Variants in DPP10 observed in about 807,000 individuals in gnomAD.
DPP10 encodes dipeptidyl peptidase like 10.
DPP10 carries 33 observed loss-of-function variants against 120.9 expected under a neutral mutation model. The observed-to-expected ratio is 0.27, with a 90% CI of 0.21 to 0.37. The LOEUF (loss-of-function observed/expected upper bound fraction) is 0.37. Ranked by LOEUF, DPP10 falls within the 10% of genes least tolerant of loss-of-function variation. The pLI is 1.00. For synonymous variants in DPP10, 337 were observed against 326.1 expected, an observed-to-expected ratio of 1.03 and a Z score of -0.36; for missense variants, 816 against 942.8, an observed-to-expected ratio of 0.87 and a Z score of 1.76.
chr2:115,255,067 C>T (rs947973697), intron 1 of DPP10, among the ~76,000 whole-genome samples: 1 of 152,202 alleles, frequency 6.6e-6, no homozygotes, highest in Non-Finnish European at 1.5e-5. Context: ...CATTTGCCTT[C>T]CACACTGCCG....
intron 21 of DPP10, among the ~76,000 whole-genome samples, chr2:115,818,812 A>C (rs1423392031): frequency 1.3e-5 from 2 of 152,182 alleles, no homozygotes; most frequent in African/African-American, 4.8e-5. Flanking sequence ...CCAAATCGTC[A>C]TTGTATACTT....
chr2:115,382,302 G>T (rs1375966386), intron 3 of DPP10, among the ~76,000 whole-genome samples: 3 of 152,210 alleles, frequency 2.0e-5, no homozygotes, highest in African/African-American at 4.8e-5. Context: ...CAGTATTAGG[G>T]TGGGAGTGAC....
intron 3 of DPP10, among the ~76,000 whole-genome samples, chr2:115,477,032 A>G (rs1301949295): frequency 4.6e-5 from 7 of 152,220 alleles, no homozygotes; most frequent in Non-Finnish European, 1.0e-4. Flanking sequence ...ATTCTAATCC[A>G]CACATGAGAA....
intron 1 of DPP10, among the ~76,000 whole-genome samples, chr2:115,263,100 T>C: frequency 6.6e-6 from 1 of 152,330 alleles, no homozygotes; most frequent in South Asian, 2.1e-4. Context: ...TTTTTCTAGG[T>C]GTAGTTTTTT....
At chr2:115,663,282 T>C (rs1191861146) in intron 5 of DPP10, among the ~76,000 whole-genome samples, 3 of 152,210 alleles carry the variant, frequency 2.0e-5, no homozygotes, top group Non-Finnish European at 4.4e-5. Context: ...TGACTTCTTA[T>C]TCTTGATGCC....
chr2:115,219,189 A>G (rs145002941), intron 1 of DPP10, among the ~76,000 whole-genome samples: 4 of 152,284 alleles, frequency 2.6e-5, no homozygotes, highest in Non-Finnish European at 5.9e-5. Context: ...TGGTAAACAC[A>G]TGCTCATAAC....
chr2:114,810,576 T>A (rs1685094408), intron 1 of DPP10, among the ~76,000 whole-genome samples: 1 of 152,218 alleles, frequency 6.6e-6, no homozygotes, highest in African/African-American at 2.4e-5. Flanking sequence ...CTTTTATACT[T>A]AAGGGACTAA....
chr2:115,822,756 C>A (rs984971685), intron 21 of DPP10, among the ~76,000 whole-genome samples: 5 of 152,016 alleles, frequency 3.3e-5, no homozygotes, highest in Admixed American at 1.3e-4. Flanking sequence ...CATAACTTCT[C>A]ATCCTCCTTA....
At chr2:114,650,435 A>G (rs866659721) in intron 1 of DPP10, among the ~76,000 whole-genome samples, 5 of 152,206 alleles carry the variant, frequency 3.3e-5, no homozygotes, top group Non-Finnish European at 5.9e-5. Context: ...AAAGTGATAC[A>G]TGTACGCTAC....
At chr2:114,715,938 T>C (rs1222780507) in intron 1 of DPP10, among the ~76,000 whole-genome samples, 1 of 151,974 alleles carries the variant, frequency 6.6e-6, no homozygotes, top group East Asian at 1.9e-4. Context: ...CAACTCAAGA[T>C]GCTACCAGAT....
intron 1 of DPP10, among the ~76,000 whole-genome samples, chr2:114,467,647 G>A (rs1208552078): frequency 6.6e-6 from 1 of 152,058 alleles, no homozygotes; most frequent in Non-Finnish European, 1.5e-5. Context: ...GTTTTTTGTT[G>A]AATTAACTTG....
At chr2:115,672,668 C>CTTTCTTTCTTTCTT (rs1553475929) in intron 5 of DPP10, among the ~76,000 whole-genome samples, 1 of 122,894 alleles carries the variant, frequency 8.1e-6, no homozygotes, top group Non-Finnish European at 1.7e-5. Flanking sequence ...TTCTTTCTTT[C>CTTTCTTTCTTTCTT]TCTCTTTCTT....
intron 5 of DPP10, among the ~76,000 whole-genome samples, chr2:115,664,848 T>G (rs1273339725): frequency 1.5e-5 from 2 of 130,842 alleles, no homozygotes; most frequent in East Asian, 1.9e-4. Context: ...AAGCTTTTGC[T>G]GTTCAACACA....
At chr2:114,815,657 C>T (rs531985896) in intron 1 of DPP10, among the ~76,000 whole-genome samples, 2 of 152,258 alleles carry the variant, frequency 1.3e-5, no homozygotes, top group African/African-American at 2.4e-5. Context: ...TCACTAAATA[C>T]GTAGAAGACG....
intron 1 of DPP10, among the ~76,000 whole-genome samples, chr2:114,733,190 T>G (rs1677086698): frequency 6.6e-6 from 1 of 152,198 alleles, no homozygotes; most frequent in Non-Finnish European, 1.5e-5. Context: ...GCTCCCAACT[T>G]CAGTAACTTC....
intron 1 of DPP10, among the ~76,000 whole-genome samples, chr2:115,235,880 A>G (rs1216151137): frequency 3.3e-5 from 5 of 152,122 alleles, no homozygotes; most frequent in East Asian, 1.9e-4. Flanking sequence ...TCTTACAGCT[A>G]TTGCCTCAAA....
At chr2:114,845,533 A>AG (rs1688479024) in intron 1 of DPP10, among the ~76,000 whole-genome samples, 1 of 152,148 alleles carries the variant, frequency 6.6e-6, no homozygotes, top group Admixed American at 6.6e-5. Flanking sequence ...TAAGGCAGAC[A>AG]GGGCCACCAC....
At chr2:114,885,196 C>T (rs968341762) in intron 1 of DPP10, among the ~76,000 whole-genome samples, 3 of 152,054 alleles carry the variant, frequency 2.0e-5, no homozygotes, top group Non-Finnish European at 4.4e-5. Flanking sequence ...CTTGGGAGCC[C>T]TCAGAAATCT....
intron 1 of DPP10, among the ~76,000 whole-genome samples, chr2:114,906,636 C>G (rs1004040868): frequency 3.3e-5 from 5 of 152,012 alleles, no homozygotes; most frequent in African/African-American, 1.2e-4. Flanking sequence ...GTTCTTTAAC[C>G]TATTAATATA....
Sources: allele counts gnomAD v4.1 joint callset (sites outside exome capture counted in the v4.1 genomes callset), GRCh38; gene constraint gnomAD v4.1.1; transcripts MANE v1.5; gene names NCBI Gene and HGNC (gene_info 2026-07-23, HGNC 2026-07-21).